The following KCNN2 variants were observed in gnomAD, a reference collection of about 807,000 sequenced individuals.
KCNN2 encodes the protein small conductance calcium-activated potassium channel protein 2.
KCNN2 carries 24 observed loss-of-function variants against 55.5 expected under a neutral mutation model. The observed-to-expected ratio is 0.43, with a 90% CI of 0.31 to 0.61. The LOEUF (loss-of-function observed/expected upper bound fraction) is 0.61. Ranked by LOEUF, KCNN2 falls within the 20% of genes least tolerant of loss-of-function variation. The pLI, the probability that KCNN2 is intolerant of heterozygous loss-of-function variation, is 0.08. For synonymous variants in KCNN2, 431 were observed against 336.1 expected, an observed-to-expected ratio of 1.28 and a Z score of -3.09; for missense variants, 754 against 853.6, an observed-to-expected ratio of 0.88 and a Z score of 1.45.
chr5:114,407,446 G>A (rs990410961), intron 3 of KCNN2, among the ~76,000 whole-genome samples: 5 of 151,790 alleles, frequency 3.3e-5, no homozygotes, highest in African/African-American at 7.3e-5. Context: ...ATAGCATCAT[G>A]CTTTTCTTTC....
chr5:114,302,242 T>G (rs1053420111), intron 2 of KCNN2, among the ~76,000 whole-genome samples: 1 of 152,212 alleles, frequency 6.6e-6, no homozygotes, highest in African/African-American at 2.4e-5. Context: ...TGTAAATAAT[T>G]TATGTTTCCA....
intron 3 of KCNN2, among the ~76,000 whole-genome samples, chr5:114,460,880 C>T (rs1761159367): frequency 6.6e-6 from 1 of 152,162 alleles, no homozygotes; most frequent in South Asian, 2.1e-4. Flanking sequence ...TGCTAAGAAG[C>T]AGCTTTGTCT....
At chr5:114,190,409 C>T (rs1330729660) in intron 1 of KCNN2, among the ~76,000 whole-genome samples, 1 of 151,984 alleles carries the variant, frequency 6.6e-6, no homozygotes, top group Non-Finnish European at 1.5e-5. Context: ...AATAATCTAC[C>T]TGACTCAGCG....
At chr5:114,095,312 T>C (rs781055328) in intron 1 of KCNN2, among the ~76,000 whole-genome samples, 8 of 152,242 alleles carry the variant, frequency 5.3e-5, no homozygotes, top group Non-Finnish European at 8.8e-5. Context: ...TTTCTGGCAC[T>C]GTGCCTTATC....
intron 2 of KCNN2, among the ~76,000 whole-genome samples, chr5:114,265,085 T>TA: frequency 6.6e-6 from 1 of 152,284 alleles, no homozygotes; most frequent in East Asian, 1.9e-4. Context: ...CATCATCTCC[T>TA]TTAACTCTTA....
chr5:114,354,728 G>C (rs1757268178), intron 2 of KCNN2, among the ~76,000 whole-genome samples: 1 of 152,012 alleles, frequency 6.6e-6, no homozygotes, highest in Non-Finnish European at 1.5e-5. Flanking sequence ...TTTTAGGAAG[G>C]ACTCATCCTA....
chr5:114,080,068 G>T (rs1170939483), intron 1 of KCNN2, among the ~76,000 whole-genome samples: 2 of 152,038 alleles, frequency 1.3e-5, no homozygotes, highest in Non-Finnish European at 2.9e-5. Flanking sequence ...ACTTGCTATT[G>T]CTTGGAGATG....
chr5:114,366,873 C>A (rs1757617232), intron 2 of KCNN2, among the ~76,000 whole-genome samples: 1 of 152,166 alleles, frequency 6.6e-6, no homozygotes. Context: ...CATAGCGTGT[C>A]CTTGGATGTA....
In KCNN2 at chr5:114,490,935, T is replaced by C. The variant is rs138022566; in HGVS notation, c.2019-2468T>C. 1.1e-4 allele frequency among the ~76,000 whole-genome samples: 17 copies of C among 152,304 alleles called. 2 individuals carry two copies. The East Asian group carries it at 3.3e-3, about 29-fold the overall frequency. ...CACATCTGCATGTTACCTTTTATTC[T>C]GGCAGCTGCAGCTTAAGCAGGCTTT... On this transcript the variant is annotated intron_variant, in intron 6 of 7. Transcript: ENST00000673685.
intron 2 of KCNN2, among the ~76,000 whole-genome samples, chr5:114,403,981 C>G (rs761094744): frequency 6.6e-5 from 10 of 152,130 alleles, no homozygotes; most frequent in Non-Finnish European, 1.5e-4. Context: ...TAAGAACGCT[C>G]ATGTGTTGTT....
At chr5:114,122,275 C>A (rs1013528849) in intron 1 of KCNN2, among the ~76,000 whole-genome samples, 1 of 152,082 alleles carries the variant, frequency 6.6e-6, no homozygotes, top group Non-Finnish European at 1.5e-5. Flanking sequence ...AGCATTGCTA[C>A]CTTTTTCTCC....
At chr5:114,286,501 A>C (rs1755756896) in intron 2 of KCNN2, among the ~76,000 whole-genome samples, 1 of 152,210 alleles carries the variant, frequency 6.6e-6, no homozygotes, top group Admixed American at 6.5e-5. Flanking sequence ...AAGAGGGGCA[A>C]GTATGAAAAT....
chr5:114,492,931 A>G (rs1045132092), intron 6 of KCNN2, among the ~76,000 whole-genome samples: 3 of 151,976 alleles, frequency 2.0e-5, no homozygotes, highest in Non-Finnish European at 4.4e-5. Flanking sequence ...CTGTGTTTTC[A>G]TCAGGTTCAA....
chr5:114,493,321 C>A, intron 6 of KCNN2, 82 bp from the exon 7 acceptor site: 4 of 882,616 alleles, frequency 4.5e-6, no homozygotes, highest in South Asian at 3.9e-5. Flanking sequence ...TTGCTCTTGT[C>A]AATTTTGTGC....
chr5:114,183,496 A>G (rs1420045346), intron 1 of KCNN2, among the ~76,000 whole-genome samples: 1 of 152,120 alleles, frequency 6.6e-6, no homozygotes. Context: ...TTCTGTGGAA[A>G]AGTTTTAAAC....
In KCNN2 at chr5:114,389,692, A is replaced by G. The variant is rs143313309; in HGVS notation, c.1219-14746A>G. Among the ~76,000 whole-genome samples, 984 of 152,238 alleles carry G rather than the reference A, an allele frequency of 6.5e-3. 10 individuals are homozygous for G. Among genetic ancestry groups the G allele is most frequent in the African/African-American group, 0.022 (934 of 41,542 alleles). ...AAGTTTTCAGAATGAAAAATATCTA[A>G]CTTGGAAAAAGACTAAACTAGGACG... On this transcript the variant is annotated intron_variant, in intron 2 of 7. Coordinates refer to ENST00000673685, the MANE Select transcript of KCNN2 (RefSeq NM_021614.4).
At chr5:114,393,328 C>G (rs546056317) in intron 2 of KCNN2, among the ~76,000 whole-genome samples, 1 of 152,070 alleles carries the variant, frequency 6.6e-6, no homozygotes, top group African/African-American at 2.4e-5. Flanking sequence ...TGTAATGGCT[C>G]AAGGATTTGT....
intron 2 of KCNN2, among the ~76,000 whole-genome samples, chr5:114,261,639 C>T (rs937062841): frequency 4.6e-5 from 7 of 152,208 alleles, no homozygotes; most frequent in African/African-American, 1.7e-4. Flanking sequence ...ATTTTCCCTA[C>T]AGTATACTAT....
intron 2 of KCNN2, among the ~76,000 whole-genome samples, chr5:114,365,432 C>T (rs1017485247): frequency 2.0e-5 from 3 of 152,148 alleles, no homozygotes; most frequent in Non-Finnish European, 4.4e-5. Context: ...ATAACTTAAA[C>T]ATTAGAAATT....
Sources: gnomAD v4.1 joint callset for allele counts (sites outside exome capture counted in the v4.1 genomes callset) on GRCh38, gnomAD v4.1.1 for gene constraint, MANE v1.5 for transcripts, NCBI Gene and HGNC (gene_info 2026-07-23, HGNC 2026-07-21) for gene names.